Variants in VANGL2 observed in about 807,000 individuals in gnomAD.
VANGL2 encodes the protein vang-like protein 2.
VANGL2 carries 14 observed loss-of-function variants against 50.2 expected under a neutral mutation model. The ratio of observed to expected loss-of-function variants is 0.28; its 90% CI spans 0.18 to 0.44. The LOEUF (loss-of-function observed/expected upper bound fraction) is 0.44. Among genes scored for constraint, VANGL2 ranks in the 20% least tolerant of loss-of-function variants. The pLI is 1.00. For synonymous variants in VANGL2, 295 were observed against 297.2 expected (o/e 0.99, Z 0.08); for missense variants, 533 against 701.5 (o/e 0.76, Z 2.71).
At chr1:160,402,011 G>C (rs1325251719) in intron 1 of VANGL2, among the ~76,000 whole-genome samples, 1 of 152,150 alleles carries the variant, frequency 6.6e-6, no homozygotes, top group Non-Finnish European at 1.5e-5. Flanking sequence ...CGAAAAGAAG[G>C]CTGTCTGCAG....
Position 160,419,253 on chromosome 1 carries a change from C to T in VANGL2, c.444C>T (p.Leu148=), listed in dbSNP as rs563261116. Residue 148 remains leucine (L), a synonymous_variant, in exon 4 of 8, where the codon CTC becomes CTT. Transcript: ENST00000368061. The surrounding 1 kb of genome is among the most constrained non-coding windows in gnomAD (Gnocchi z 5.8). ...CTTGCGGGACGGCCTGCGAGGGCCT[C>T]TTCATCTCTGTCGCCTTCAAGCTGC... The part of the protein sequence containing the change: ...LEPCGTACEG[L]FISVAFKLLI... The T allele has an allele frequency of 1.2e-6, 2 of 1,608,390 alleles. No homozygotes were observed. The highest frequency in any genetic ancestry group is 1.1e-5 in the South Asian group (1 of 91,086).
At chr1:160,420,744 G>A (rs1395762647) in intron 5 of VANGL2, among the ~76,000 whole-genome samples, 197 bp downstream of exon 5, 1 of 152,122 alleles carries the variant, frequency 6.6e-6, no homozygotes. Flanking sequence ...TTATGCTATG[G>A]CATGTCCCCT....
chr1:160,417,703 C>A (rs1004409284), intron 3 of VANGL2, among the ~76,000 whole-genome samples: 4 of 152,240 alleles, frequency 2.6e-5, no homozygotes, highest in Non-Finnish European at 5.9e-5. Flanking sequence ...CCCAGCCCAG[C>A]ACTGCAGCGT....
At chr1:160,418,457 T>C (rs542739935) in intron 3 of VANGL2, among the ~76,000 whole-genome samples, 1 of 151,852 alleles carries the variant, frequency 6.6e-6, no homozygotes, top group South Asian at 2.1e-4. Flanking sequence ...GGGAGTTTTT[T>C]GTTTTTTTTT....
chr1:160,424,490 G>C (rs1651384524), intron 7 of VANGL2, among the ~76,000 whole-genome samples: 1 of 152,154 alleles, frequency 6.6e-6, no homozygotes, highest in Non-Finnish European at 1.5e-5. Context: ...TGAGGAGAAG[G>C]GAGTCCTCAG....
intron 4 of VANGL2, 142 bp from the exon 5 acceptor site, chr1:160,420,269 G>C: frequency 9.0e-7 from 1 of 1,115,154 alleles, no homozygotes; most frequent in South Asian, 1.4e-5. Flanking sequence ...GTAGACCTCA[G>C]GCCCGGAGTC....
At chr1:160,404,467 G>C (rs1272554684) in intron 1 of VANGL2, among the ~76,000 whole-genome samples, 1 of 152,170 alleles carries the variant, frequency 6.6e-6, no homozygotes, top group Non-Finnish European at 1.5e-5. Flanking sequence ...GTGGCATTTA[G>C]TACATTCACA....
chr1:160,413,643 G>C (rs766478615), intron 1 of VANGL2, among the ~76,000 whole-genome samples: 1 of 152,052 alleles, frequency 6.6e-6, no homozygotes, highest in African/African-American at 2.4e-5. Context: ...TTAAATTTCT[G>C]GCTGCCTTGA....
intron 1 of VANGL2, among the ~76,000 whole-genome samples, chr1:160,407,384 C>T (rs1398215585): frequency 6.6e-6 from 1 of 152,172 alleles, no homozygotes; most frequent in African/African-American, 2.4e-5. Context: ...CTGCCACCCT[C>T]ATCCCCAGTC....
intron 1 of VANGL2, among the ~76,000 whole-genome samples, chr1:160,414,525 C>T (rs1557908217): frequency 2.0e-5 from 3 of 152,230 alleles, no homozygotes; most frequent in African/African-American, 7.2e-5. Context: ...GGGTGTCTCT[C>T]ATAGTTTGCT....
chr1:160,411,236 G>C (rs1484442550), intron 1 of VANGL2, among the ~76,000 whole-genome samples: 1 of 151,860 alleles, frequency 6.6e-6, no homozygotes, highest in Non-Finnish European at 1.5e-5. Context: ...CTTGGGAAGT[G>C]GGGGGCAAGG....
Position 160,419,798 on chromosome 1 carries a change from T to C in VANGL2, c.800+189T>C, listed in dbSNP as rs1651202385. Among the ~76,000 whole-genome samples, 2 of 151,100 alleles carry C rather than the reference T, an allele frequency of 1.3e-5. No individual in the cohort carries two copies. Among genetic ancestry groups the C allele is most frequent in the African/African-American group, 4.9e-5 (2 of 40,944 alleles). On this transcript the variant is annotated intron_variant, in intron 4 of 7. Transcript: ENST00000368061. The surrounding 1 kb of genome is among the most constrained non-coding windows in gnomAD (Gnocchi z 5.8). Reference sequence around the variant, plus strand: ...TTGCTGCTTGATAGGCAGGTTCATGTACACGGTCTTGGGGCAAGATCAGTT... The same window carrying C: ...TTGCTGCTTGATAGGCAGGTTCATGCACACGGTCTTGGGGCAAGATCAGTT...
chr1:160,418,954 T>C, intron 3 of VANGL2, 48 bp from the exon 4 acceptor site: 1 of 1,571,932 alleles, frequency 6.4e-7, no homozygotes, highest in Non-Finnish European at 8.7e-7. Context: ...CTCTTCCTCT[T>C]CTTATCCTTT....
chr1:160,404,149 GAT>G lies in VANGL2; in HGVS notation c.-191+3281_-191+3282del, dbSNP rs558388588. ...GATAGGAGAACTAGGCTTTGGTTCTGATCTTCCTTTGGCCGACCACATTAGGC... is the reference window on the plus strand; with the variant it reads ...GATAGGAGAACTAGGCTTTGGTTCTGCTTCCTTTGGCCGACCACATTAGGC... On this transcript the variant is annotated intron_variant, in intron 1 of 7. Coordinates refer to ENST00000368061, the MANE Select transcript of VANGL2 (RefSeq NM_020335.3). Among the ~76,000 whole-genome samples the G allele has an allele frequency of 6.1e-3, 931 of 152,304 alleles. 10 individuals are homozygous for G. The highest frequency in any genetic ancestry group is 0.022 in the African/African-American group (902 of 41,560).
intron 1 of VANGL2, among the ~76,000 whole-genome samples, chr1:160,406,045 G>C (rs1457806992): frequency 6.6e-6 from 1 of 152,148 alleles, no homozygotes; most frequent in East Asian, 1.9e-4. Context: ...AGCATCTATT[G>C]TGTGCCAGAA....
In VANGL2 at chr1:160,416,185, G is replaced by A. The variant is rs755456497; in HGVS notation, c.192+3G>A. On this transcript the variant is annotated splice_donor_region_variant and intron_variant, in intron 3 of 7. Coordinates refer to ENST00000368061, the MANE Select transcript of VANGL2 (RefSeq NM_020335.3). ...AGTCCACACGAGGGGATGAGCGGGT[G>A]AGCACTGGGGATGCGGTGGTCCAGA... 3.1e-6 allele frequency: 5 copies of A among 1,614,162 alleles called. No homozygotes were observed. Among genetic ancestry groups the A allele is most frequent in the African/African-American group, 1.3e-5 (1 of 75,072 alleles).
intron 1 of VANGL2, among the ~76,000 whole-genome samples, chr1:160,404,052 C>T (rs1650570512): frequency 6.6e-6 from 1 of 152,212 alleles, no homozygotes; most frequent in Non-Finnish European, 1.5e-5. Context: ...GTTCCTGGCA[C>T]ATAGTAAATG....
intron 3 of VANGL2, among the ~76,000 whole-genome samples, chr1:160,418,684 C>T (rs148838571): frequency 5.4e-4 from 82 of 152,272 alleles, no homozygotes; most frequent in African/African-American, 1.9e-3. Context: ...GCATCTTCAG[C>T]ATTTGTCCTG....
At chr1:160,406,444 G>A (rs528042889) in intron 1 of VANGL2, among the ~76,000 whole-genome samples, 73 of 152,306 alleles carry the variant, frequency 4.8e-4, no homozygotes, top group African/African-American at 1.7e-3. Context: ...TAAGCCTGGG[G>A]CGGGGCCAGC....
Sources: allele counts gnomAD v4.1 joint callset (sites outside exome capture counted in the v4.1 genomes callset), GRCh38; gene constraint gnomAD v4.1.1; non-coding constraint Gnocchi (gnomAD v3.1); transcripts MANE v1.5; gene names NCBI Gene and HGNC (gene_info 2026-07-23, HGNC 2026-07-21).